The following TMEM132E variants were observed in gnomAD, a reference collection of about 807,000 sequenced individuals.
TMEM132E encodes transmembrane protein 132E.
In TMEM132E, 49 loss-of-function variants were observed where a neutral mutation model predicts 78.5. That is an observed-to-expected ratio of 0.62 (90% CI 0.50 to 0.79). TMEM132E has a LOEUF of 0.79. Among genes scored for constraint, TMEM132E ranks in the 30% least tolerant of loss-of-function variants. The pLI, the probability that TMEM132E is intolerant of heterozygous loss-of-function variation, is 0.00. For missense variants in TMEM132E, 1,403 were observed against 1,470.9 expected (o/e 0.95, Z 0.75); for synonymous variants, 715 against 670.6 (o/e 1.07, Z -1.02).
chr17:34,600,575 C>T (rs923684999), intron 1 of TMEM132E, among the ~76,000 whole-genome samples: 2 of 151,950 alleles, frequency 1.3e-5, no homozygotes, highest in Non-Finnish European at 2.9e-5. Context: ...CCCAGTGGGG[C>T]ATTTATGGAG....
chr17:34,597,224 A>T (rs986798996), intron 1 of TMEM132E, among the ~76,000 whole-genome samples: 1 of 152,062 alleles, frequency 6.6e-6, no homozygotes, highest in African/African-American at 2.4e-5. Flanking sequence ...GGAGTCCAAG[A>T]CTGCTTCCTT....
rs143452088 is a variant in TMEM132E at position 34,632,677 on chromosome 17, G to A, written c.1483-27G>A. The A allele has an allele frequency of 1.2e-3, 1,895 of 1,612,986 alleles. 25 individuals carry two copies. In the African/African-American group the frequency reaches 0.022, roughly 19 times the overall value. On this transcript the variant is annotated intron_variant, in intron 5 of 8. Transcript: ENST00000631683. Reference sequence around the variant, plus strand: ...TCACAGGAAGACCTGTAGGGAAGATGTGCCAACTGTTCCTCCCTTCCCCCA... The same window carrying A: ...TCACAGGAAGACCTGTAGGGAAGATATGCCAACTGTTCCTCCCTTCCCCCA...
In TMEM132E at chr17:34,626,180, C is replaced by G. The variant is rs1230678161; in HGVS notation, c.121C>G (p.Pro41Ala). 1.9e-6 allele frequency: 3 copies of G among 1,564,020 alleles called. No homozygotes were observed. The highest frequency in any genetic ancestry group is 1.4e-5 in the African/African-American group (1 of 73,902). The change falls in exon 2 of 9, where the codon CCG becomes GCG. Residue 41 changes from proline (P) to alanine (A), a missense_variant. Around this residue, in one of 3 missense-constraint regions of TMEM132E, gnomAD observed 511 missense variants for 499.0 expected, o/e 1.02. Transcript: ENST00000631683. ...SPSPPGPQAS[P>A]VLPVSYRLSH... Reference sequence around the variant, plus strand: ...CAGCCCGCCGGGGCCGCAGGCCAGCCCGGTGCTGCCAGTCAGCTACCGCCT... The same window carrying G: ...CAGCCCGCCGGGGCCGCAGGCCAGCGCGGTGCTGCCAGTCAGCTACCGCCT...
chr17:34,617,476 C>A (rs1906820930), intron 1 of TMEM132E, among the ~76,000 whole-genome samples: 1 of 152,158 alleles, frequency 6.6e-6, no homozygotes, highest in Non-Finnish European at 1.5e-5. Context: ...TCCCTCCTCT[C>A]AGAACTAAAT....
chr17:34,638,383 G>A lies in TMEM132E; in HGVS notation c.*151G>A. On this transcript the variant is annotated 3_prime_UTR_variant, in exon 9 of 9. Transcript: ENST00000631683. ...AGCTTGGCTCCGTGCGGAGCGGGCC[G>A]CCTCAGTGTCTGGGCCTTCCCTCGC... The A allele has an allele frequency of 1.2e-6, 1 of 845,422 alleles. No individual in the cohort carries two copies. The highest frequency in any genetic ancestry group is 1.8e-6 in the Non-Finnish European group (1 of 568,186). The allele number at this position is 845,422 out of a possible 1,614,324, so 52.4% of individuals were successfully genotyped here.
rs768749417 is a variant in TMEM132E, at chr17:34,637,365, G to A, written c.2358G>A (p.Glu786=). 2 of 1,613,968 alleles carry A rather than the reference G, an allele frequency of 1.2e-6. No homozygotes were observed. Among genetic ancestry groups the A allele is most frequent in the South Asian group, 1.1e-5 (1 of 91,092 alleles). Residue 786 remains glutamate (E), a synonymous_variant, in exon 9 of 9, where the codon GAG becomes GAA. Coordinates refer to ENST00000631683, the MANE Select transcript of TMEM132E (RefSeq NM_001304438.2). ...GGTCAGGGGAGCTGCTTCGCGCAGA[G>A]CTAACCATCGCTGAGAGCTGCCAGA... ...AEGSGELLRA[E]LTIAESCQKT... is the part of the protein sequence containing the mutation.
rs115181878 is a variant in TMEM132E at position 34,587,776 on chromosome 17, G to A, written c.67+6633G>A. Among the ~76,000 whole-genome samples the A allele has an allele frequency of 3.5e-3, 534 of 152,350 alleles. 2 individuals carry two copies. Among genetic ancestry groups the A allele is most frequent in the African/African-American group, 0.012 (492 of 41,576 alleles). ...CACGGCCACACACTGCTAAGCTTGA[G>A]CATTCTAACTCTTCTGCAGTTCAGA... On this transcript the variant is annotated intron_variant, in intron 1 of 8. Transcript: ENST00000631683.
intron 2 of TMEM132E, among the ~76,000 whole-genome samples, 198 bp from the exon 3 acceptor site, chr17:34,628,365 C>T (rs899404447): frequency 4.6e-5 from 7 of 152,188 alleles, no homozygotes; most frequent in Admixed American, 2.0e-4. Flanking sequence ...CAGCTTTCAC[C>T]GAGGGTCAGA....
At chr17:34,608,834 A>G (rs1285515449) in intron 1 of TMEM132E, among the ~76,000 whole-genome samples, 1 of 152,208 alleles carries the variant, frequency 6.6e-6, no homozygotes, top group African/African-American at 2.4e-5. Flanking sequence ...GGGAACCTCA[A>G]AAATGTCCAG....
intron 1 of TMEM132E, among the ~76,000 whole-genome samples, chr17:34,623,498 G>A (rs1298508044): frequency 1.3e-5 from 2 of 152,106 alleles, no homozygotes; most frequent in East Asian, 1.9e-4. Flanking sequence ...GAGGAGCGTG[G>A]GGCCCCACCT....
rs1907515852 is a variant in TMEM132E at position 34,636,151 on chromosome 17, A to G, written c.2122A>G (p.Ile708Val). The G allele has an allele frequency of 6.4e-7, 1 of 1,570,112 alleles. No individual in the cohort carries two copies. Among genetic ancestry groups the G allele is most frequent in the South Asian group, 1.2e-5 (1 of 85,052 alleles). The change falls in exon 8 of 9, where the codon ATC becomes GTC. Residue 708 changes from isoleucine (I) to valine (V), a missense_variant. Transcript: ENST00000631683. ...GCCCAGCCCTGGGAGCAGCCACACC[A>G]TCCTAGCCACCACAGCTGCCCAACA... ...LRPSPGSSHTILATTAAQQTL... is the reference protein window; with the variant it reads ...LRPSPGSSHTVLATTAAQQTL...
At chr17:34,604,180 C>T (rs551711475) in intron 1 of TMEM132E, among the ~76,000 whole-genome samples, 3 of 152,332 alleles carry the variant, frequency 2.0e-5, no homozygotes, top group East Asian at 3.9e-4. Flanking sequence ...GGTCACACAG[C>T]ACTGATAACA....
At chr17:34,629,532 G>A (rs1009898341) in intron 4 of TMEM132E, among the ~76,000 whole-genome samples, 3 of 152,188 alleles carry the variant, frequency 2.0e-5, no homozygotes, top group African/African-American at 7.2e-5. Flanking sequence ...GATGCAGGGT[G>A]TGTCCCAGGC....
intron 1 of TMEM132E, among the ~76,000 whole-genome samples, chr17:34,621,033 T>A (rs1302666503): frequency 2.6e-5 from 4 of 152,132 alleles, no homozygotes; most frequent in African/African-American, 9.7e-5. Context: ...TGGGGAGAGC[T>A]GGGAACACCT....
intron 1 of TMEM132E, among the ~76,000 whole-genome samples, chr17:34,589,807 C>G (rs1905802986): frequency 1.3e-5 from 2 of 152,128 alleles, no homozygotes; most frequent in Non-Finnish European, 2.9e-5. Flanking sequence ...GTGACCTGCC[C>G]CAGGATGACC....
intron 5 of TMEM132E, among the ~76,000 whole-genome samples, chr17:34,630,680 T>A (rs1907322158): frequency 6.6e-6 from 1 of 152,082 alleles, no homozygotes; most frequent in Non-Finnish European, 1.5e-5. Context: ...AAGAAACATA[T>A]GAGTTAGGCC....
Position 34,580,445 on chromosome 17 carries a change from C to T in TMEM132E, c.-632C>T, listed in dbSNP as rs1472324432. On this transcript the variant is annotated 5_prime_UTR_variant, in exon 1 of 9. Coordinates refer to ENST00000631683, the MANE Select transcript of TMEM132E (RefSeq NM_001304438.2). ...CCTCGGGCATCCGGTCTGGGCGTCG[C>T]CTAGGGTGGTGGCGACCGGCGTCGC... The T allele has an allele frequency of 6.6e-6, 1 of 152,266 alleles. No homozygotes were observed. Among genetic ancestry groups the T allele is most frequent in the Admixed American group, 6.5e-5 (1 of 15,288 alleles). 9.4% of individuals were successfully genotyped at this position (152,266 alleles called of 1,614,324 possible).
chr17:34,586,301 G>GTT (rs201244563), intron 1 of TMEM132E, among the ~76,000 whole-genome samples: 3 of 152,006 alleles, frequency 2.0e-5, no homozygotes, highest in South Asian at 2.1e-4. Context: ...GTGTGTGTGT[G>GTT]TTTTTAGGAA....
chr17:34,634,841 G>T lies in TMEM132E; in HGVS notation c.1731G>T (p.Glu577Asp). 3.7e-6 allele frequency: 6 copies of T among 1,613,842 alleles called. No homozygotes were observed. The highest frequency in any genetic ancestry group is 5.1e-6 in the Non-Finnish European group (6 of 1,179,980). Reference sequence around the variant, plus strand: ...AGGATGAGGATGAGGAGGAGGAGGAGCGGCGGCAGAGTGCAAGCCGTGGCT... The same window carrying T: ...AGGATGAGGATGAGGAGGAGGAGGATCGGCGGCAGAGTGCAAGCCGTGGCT... ...ESEDEDEEEE[E>D]RRQSASRGCT... is the part of the protein sequence containing the mutation. The change falls in exon 7 of 9, where the codon GAG becomes GAT. Residue 577 changes from glutamate to aspartate, a missense_variant. Glu to Asp is a conservative substitution (Grantham distance 45). Coordinates refer to ENST00000631683, the MANE Select transcript of TMEM132E (RefSeq NM_001304438.2).
Sources: allele counts gnomAD v4.1 joint callset (sites outside exome capture counted in the v4.1 genomes callset), GRCh38; gene constraint gnomAD v4.1.1; regional missense constraint gnomAD v4.1.1; transcripts MANE v1.5; gene names NCBI Gene and HGNC (gene_info 2026-07-23, HGNC 2026-07-21).